The following WDR7 variants were observed in gnomAD, a reference collection of about 807,000 sequenced individuals.
The protein encoded by WDR7 is WD repeat domain 7.
In WDR7, 46 loss-of-function variants were observed where a neutral mutation model predicts 169.4. That is an observed-to-expected ratio of 0.27 (90% CI 0.21 to 0.35). WDR7 has a LOEUF of 0.35. WDR7 is among the 10% of genes least tolerant of loss of function. The probability of loss-of-function intolerance (pLI) is 1.00; values close to 1 mark genes in which losing one functional copy is unlikely to be tolerated. For synonymous variants in WDR7, 612 were observed against 666.8 expected (o/e 0.92, Z 1.27); for missense variants, 1,534 against 1,859.3 (o/e 0.83, Z 3.22).
intron 1 of WDR7, among the ~76,000 whole-genome samples, chr18:56,668,054 A>G (rs2025059755): frequency 6.6e-6 from 1 of 152,316 alleles, no homozygotes; most frequent in South Asian, 2.1e-4. Context: ...CAGTAGCCTC[A>G]TTGGTCTTCA....
chr18:56,843,604 A>G (rs764898638), intron 20 of WDR7, among the ~76,000 whole-genome samples: 1 of 152,144 alleles, frequency 6.6e-6, no homozygotes, highest in Non-Finnish European at 1.5e-5. Context: ...GGTTTCTTCT[A>G]TCTTTTGGCG....
Position 56,679,333 on chromosome 18 carries a change from T to C in WDR7, c.161T>C (p.Ile54Thr). The C allele has an allele frequency of 6.2e-7, 1 of 1,606,248 alleles. No individual in the cohort carries two copies. Among genetic ancestry groups the C allele is most frequent in the Non-Finnish European group, 8.5e-7 (1 of 1,174,690 alleles). The change falls in exon 3 of 28, where the codon ATT becomes ACT. Residue 54 changes from isoleucine (I) to threonine (T), a missense_variant and splice_region_variant. Ile to Thr is a moderately conservative substitution (Grantham distance 89). Coordinates refer to ENST00000254442, the MANE Select transcript of WDR7 (RefSeq NM_015285.3). ...CLWDLSVELQINPRALLFGHT... is the reference protein window; with the variant it reads ...CLWDLSVELQTNPRALLFGHT... The stretch of plus-strand genomic sequence containing the variant: ...ACTAGCATATTTTTGCATTTCTAGA[T>C]TAATCCTCGAGCACTGTTGTTTGGT...
Position 56,691,203 on chromosome 18 carries a change from T to A in WDR7, c.718-13T>A. 6.2e-7 allele frequency: 1 copy of A among 1,600,976 alleles called. No individual in the cohort carries two copies. Among genetic ancestry groups the A allele is most frequent in the East Asian group, 2.3e-5 (1 of 43,860 alleles). ...AATATGGAGTAGATTGTGAATTTCT[T>A]TCTTCCTTGCAGGTGTTCGATGCCG... On this transcript the variant is annotated splice_polypyrimidine_tract_variant and intron_variant, in intron 7 of 27. Transcript: ENST00000254442.
intron 21 of WDR7, among the ~76,000 whole-genome samples, chr18:56,880,672 G>A (rs2046094117): frequency 6.6e-6 from 1 of 151,930 alleles, no homozygotes; most frequent in African/African-American, 2.4e-5. Context: ...TAATACATGG[G>A]TTTATGAAAA....
rs1445437861 is a variant in WDR7 at position 56,779,564 on chromosome 18, A to G, written c.3066+15A>G. 1.2e-6 allele frequency: 2 copies of G among 1,600,996 alleles called. No individual in the cohort carries two copies. The highest frequency in any genetic ancestry group is 8.5e-7 in the Non-Finnish European group (1 of 1,172,622). ...GATGCTTGGAGGTAATGCTAAAGTG[A>G]TAAGGATAGAAAACAAAAATATTAA... is the stretch of plus-strand genomic sequence containing the variant. On this transcript the variant is annotated intron_variant, in intron 18 of 27. Coordinates refer to ENST00000254442, the MANE Select transcript of WDR7 (RefSeq NM_015285.3).
chr18:56,863,580 T>C (rs1297037145), intron 20 of WDR7, among the ~76,000 whole-genome samples: 1 of 151,744 alleles, frequency 6.6e-6, no homozygotes, highest in Non-Finnish European at 1.5e-5. Context: ...GGCAAATTAT[T>C]ATAATTGTAA....
At chr18:56,738,229 C>G (rs1240339693) in intron 14 of WDR7, among the ~76,000 whole-genome samples, 1 of 152,154 alleles carries the variant, frequency 6.6e-6, no homozygotes, top group Non-Finnish European at 1.5e-5. Flanking sequence ...TAATCATGAT[C>G]TTCTAACATG....
At chr18:56,783,260 A>G (rs1032102793) in intron 19 of WDR7, among the ~76,000 whole-genome samples, 2 of 152,084 alleles carry the variant, frequency 1.3e-5, no homozygotes, top group Admixed American at 1.3e-4. Flanking sequence ...CCAGAATATA[A>G]AAAAGAGTTT....
At chr18:56,874,527 A>G (rs967974975) in intron 20 of WDR7, among the ~76,000 whole-genome samples, 1 of 152,078 alleles carries the variant, frequency 6.6e-6, no homozygotes, top group African/African-American at 2.4e-5. Context: ...AATTCACAAA[A>G]TATGATTTAT....
chr18:56,870,207 T>C (rs1206809595), intron 20 of WDR7, among the ~76,000 whole-genome samples: 2 of 152,152 alleles, frequency 1.3e-5, no homozygotes, highest in Admixed American at 1.3e-4. Context: ...GTTTTTAAGA[T>C]TTTTTTCCTA....
chr18:56,984,234 C>G (rs192062199), intron 26 of WDR7, among the ~76,000 whole-genome samples: 4 of 152,212 alleles, frequency 2.6e-5, no homozygotes, highest in East Asian at 3.9e-4. Flanking sequence ...TGATGAATCA[C>G]CTTTCTCTTG....
intron 22 of WDR7, among the ~76,000 whole-genome samples, chr18:56,929,225 A>G (rs1406201592): frequency 6.6e-6 from 1 of 152,018 alleles, no homozygotes; most frequent in Non-Finnish European, 1.5e-5. Context: ...GCAGTGAGCT[A>G]TGATCGTACC....
chr18:56,966,226 T>C (rs2047406713), intron 26 of WDR7, among the ~76,000 whole-genome samples: 1 of 152,080 alleles, frequency 6.6e-6, no homozygotes, highest in African/African-American at 2.4e-5. Flanking sequence ...GAACAAGGGT[T>C]TGGACTGTGT....
intron 25 of WDR7, among the ~76,000 whole-genome samples, chr18:56,960,735 G>C (rs1375876427): frequency 2.0e-5 from 3 of 152,042 alleles, no homozygotes; most frequent in Non-Finnish European, 4.4e-5. Context: ...TGTGAGAATG[G>C]TAGGTTTTGA....
intron 20 of WDR7, among the ~76,000 whole-genome samples, chr18:56,819,303 A>G (rs2045040429): frequency 6.6e-6 from 1 of 152,188 alleles, no homozygotes; most frequent in African/African-American, 2.4e-5. Flanking sequence ...AACAGCTGGA[A>G]AGACTAGGAG....
chr18:57,029,281 G>A lies in WDR7; in HGVS notation c.*2074G>A. The A allele has an allele frequency of 6.6e-6, 1 of 152,204 alleles. No individual in the cohort carries two copies. Among genetic ancestry groups the A allele is most frequent in the Non-Finnish European group, 1.5e-5 (1 of 68,042 alleles). 9.4% of individuals were successfully genotyped at this position (152,204 alleles called of 1,614,324 possible). A position where few individuals can be genotyped will look rare whatever the true frequency, so the allele number is the denominator to read the frequency against. On this transcript the variant is annotated 3_prime_UTR_variant, in exon 28 of 28. Coordinates refer to ENST00000254442, the MANE Select transcript of WDR7 (RefSeq NM_015285.3). ...CAATAGCCCTGGGCCACAAGCGTGG[G>A]TAGGCCTTTCACGTATTCCGTCTGC...
At chr18:56,795,184 C>G (rs2044562462) in intron 19 of WDR7, among the ~76,000 whole-genome samples, 1 of 152,100 alleles carries the variant, frequency 6.6e-6, no homozygotes, top group Non-Finnish European at 1.5e-5. Context: ...ATTTTCCTAT[C>G]TTTGATCAGT....
intron 7 of WDR7, 113 bp downstream of exon 7, chr18:56,687,087 A>G: frequency 3.0e-6 from 3 of 1,016,028 alleles, no homozygotes; most frequent in Non-Finnish European, 4.1e-6. Context: ...TTCATCATTT[A>G]GAATTCATGT....
chr18:56,807,058 A>T (rs895783150), intron 19 of WDR7, among the ~76,000 whole-genome samples: 16 of 151,988 alleles, frequency 1.1e-4, no homozygotes, highest in Admixed American at 5.9e-4. Context: ...TGCTGTTATA[A>T]ATAACAACAG....
Sources: allele counts gnomAD v4.1 joint callset (sites outside exome capture counted in the v4.1 genomes callset), GRCh38; gene constraint gnomAD v4.1.1; transcripts MANE v1.5; gene names NCBI Gene and HGNC (gene_info 2026-07-23, HGNC 2026-07-21).